DCTN1: variants seen among roughly 807,000 people sequenced by gnomAD.
The protein encoded by DCTN1 is dynactin subunit 1, also known as 150 kDa dynein-associated polypeptide.
DCTN1 carries 61 observed loss-of-function variants against 161.2 expected under a neutral mutation model. The observed-to-expected ratio is 0.38, with a 90% CI of 0.31 to 0.47. The LOEUF is 0.47. Ranked by LOEUF, DCTN1 falls within the 20% of genes least tolerant of loss-of-function variation. The pLI is 0.99. For missense variants in DCTN1, 1,404 were observed against 1,623.7 expected, an observed-to-expected ratio of 0.86 and a Z score of 2.33; for synonymous variants, 653 against 632.4, an observed-to-expected ratio of 1.03 and a Z score of -0.49.
rs781290307 is a variant in DCTN1, at chr2:74,374,328, G to A, written c.427C>T (p.Arg143Ter). 1.9e-6 allele frequency: 3 copies of A among 1,612,086 alleles called. No individual in the cohort carries two copies. The highest frequency in any genetic ancestry group is 2.7e-5 in the African/African-American group (2 of 74,578). ...GLKPKKAPTA[R>*]KTTTRRPKPT... ...ACGAGAGCAAGCAAGAGTACCTTTCGGGCTGTCGGTGCCTGTCTCATCATT... is the reference window on the plus strand; with the variant it reads ...ACGAGAGCAAGCAAGAGTACCTTTCAGGCTGTCGGTGCCTGTCTCATCATT... Residue 143 changes from arginine (R) to a stop codon, truncating the protein, a stop_gained, in exon 6 of 32, where the codon CGA becomes TGA. Coordinates refer to ENST00000628224, the MANE Select transcript of DCTN1 (RefSeq NM_004082.5). LOFTEE classifies it high-confidence loss of function.
rs761974691 is a variant in DCTN1 at position 74,371,594 on chromosome 2, G to A, written c.588C>T (p.Ile196=). The A allele has an allele frequency of 3.8e-6, 6 of 1,588,728 alleles. No individual in the cohort carries two copies. Among genetic ancestry groups the A allele is most frequent in the Admixed American group, 1.8e-5 (1 of 55,828 alleles). Residue 196 remains isoleucine, a synonymous_variant, in exon 8 of 32, where the codon ATC becomes ATT. Coordinates refer to ENST00000628224, the MANE Select transcript of DCTN1 (RefSeq NM_004082.5). ...PAQTPLAAPI[I]PTPVLTSPGA... ...CAGGAGAGGTGAGGACCGGCGTGGG[G>A]ATGATGGGTGCTGCCAGCGGAGTCT...
At chr2:74,371,477 G>A in intron 8 of DCTN1, 60 bp downstream of exon 8, 1 of 1,495,522 alleles carries the variant, frequency 6.7e-7, no homozygotes, top group Non-Finnish European at 9.0e-7. Context: ...TCAAGACACA[G>A]CGGGTAGCCA....
intron 7 of DCTN1, 66 bp downstream of exon 7, chr2:74,372,862 A>T: frequency 6.6e-7 from 1 of 1,509,684 alleles, no homozygotes; most frequent in Non-Finnish European, 9.2e-7. Flanking sequence ...GTGCCCTCAT[A>T]CATCCACATG....
rs776452889 is a variant in DCTN1, at chr2:74,370,851, G to C, written c.844-26C>G. 4 of 1,613,890 alleles carry C rather than the reference G, an allele frequency of 2.5e-6. No individual in the cohort carries two copies. Among genetic ancestry groups the C allele is most frequent in the African/African-American group, 1.3e-5 (1 of 74,910 alleles). The stretch of plus-strand genomic sequence containing the variant: ...CTGAGGAAGAAGTGGAGGTGGGAGG[G>C]GGTACCAGCACAGAGATGCCCCAGG... On this transcript the variant is annotated intron_variant, in intron 9 of 31. Transcript: ENST00000628224. The surrounding 1 kb of genome is among the most constrained non-coding windows in gnomAD (Gnocchi z 4.4).
At chr2:74,367,182 C>G in intron 19 of DCTN1, 75 bp from the exon 20 acceptor site, 1 of 1,584,316 alleles carries the variant, frequency 6.3e-7, no homozygotes, top group Non-Finnish European at 8.7e-7. Context: ...CTAAGAAGTC[C>G]CCATCCTCTG....
At position 74,362,676 on chromosome 2, in the gene DCTN1, G is replaced by A. The variant is rs369370232; in HGVS notation, c.3583C>T (p.Leu1195=). The A allele has an allele frequency of 5.0e-6, 8 of 1,613,876 alleles. No homozygotes were observed. The African/African-American group carries it at 1.1e-4, about 22-fold the overall frequency. ...TTGAGCTTCTCGACGGTGTCACTCAGGGACTTAAGCTGAGCCACTTGCTCC... is the reference window on the plus strand; with the variant it reads ...TTGAGCTTCTCGACGGTGTCACTCAAGGACTTAAGCTGAGCCACTTGCTCC... The part of the protein sequence containing the change: ...LMEQVAQLKS[L]SDTVEKLKDE... Residue 1195 remains leucine (L), a synonymous_variant, in exon 30 of 32, where the codon CTG becomes TTG. Transcript: ENST00000628224.
At position 74,368,989 on chromosome 2, in the gene DCTN1, G is replaced by T. The variant is rs1478330094; in HGVS notation, c.1701+109C>A. ...GCTTCTAGGGCAAGCCCAGGCCAGA[G>T]TCTTCCAAACCACCACACAAAGCAC... On this transcript the variant is annotated intron_variant, in intron 15 of 31. Transcript: ENST00000628224. 6 of 1,566,148 alleles carry T rather than the reference G, an allele frequency of 3.8e-6. No homozygotes were observed. In the South Asian group the frequency reaches 6.7e-5, roughly 17 times the overall value.
rs1573160336 is a variant in DCTN1, at chr2:74,369,597, A to G, written c.1393-106T>C. The G allele has an allele frequency of 7.8e-6, 9 of 1,159,404 alleles. No homozygotes were observed. In the East Asian group the frequency reaches 1.9e-4, roughly 24 times the overall value. The allele number at this position is 1,159,404 out of a possible 1,614,324, so 71.8% of individuals were successfully genotyped here. On this transcript the variant is annotated intron_variant, in intron 13 of 31. Transcript: ENST00000628224. The surrounding 1 kb of genome is among the most constrained non-coding windows in gnomAD (Gnocchi z 4.9). ...TTTGGGAGGTCAAAGCAGGCGGATC[A>G]TGAGGTCGAGATCGAGATCATGCTG...
Position 74,363,158 on chromosome 2 carries a change from G to C in DCTN1, c.3365C>G (p.Ser1122Cys). ...ATGCAGAGGGGGCAGGGATGCCAAGGATGCCTTCATCTGGGCTCCCTGTGG... is the reference window on the plus strand; with the variant it reads ...ATGCAGAGGGGGCAGGGATGCCAAGCATGCCTTCATCTGGGCTCCCTGTGG... ...SILKGAQMKA[S>C]LASLPPLHVA... The change falls in exon 29 of 32, where the codon TCC becomes TGC. Residue 1122 changes from serine (S) to cysteine (C), a missense_variant. Ser to Cys is a moderately radical substitution (Grantham distance 112). Around this residue, in one of 9 missense-constraint regions of DCTN1, gnomAD observed 311 missense variants for 298.9 expected, o/e 1.04. Coordinates refer to ENST00000628224, the MANE Select transcript of DCTN1 (RefSeq NM_004082.5). The C allele has an allele frequency of 6.2e-7, 1 of 1,614,144 alleles. No homozygotes were observed. The highest frequency in any genetic ancestry group is 8.5e-7 in the Non-Finnish European group (1 of 1,180,014).
chr2:74,383,619 C>T (rs1394875349), upstream of DCTN1: 1 of 152,164 alleles, frequency 6.6e-6, no homozygotes, highest in Non-Finnish European at 1.5e-5. Flanking sequence ...AGGTTTGAAC[C>T]AGGATCAGGA....
chr2:74,368,105 C>T lies in DCTN1; in HGVS notation c.1881G>A (p.Gln627=), dbSNP rs774995278. 6 of 1,597,750 alleles carry T rather than the reference C, an allele frequency of 3.8e-6. No homozygotes were observed. Among genetic ancestry groups the T allele is most frequent in the Non-Finnish European group, 5.1e-6 (6 of 1,171,778 alleles). The change falls in exon 17 of 32, where the codon CAG becomes CAA. Residue 627 remains glutamine, a synonymous_variant. Transcript: ENST00000628224. ...AGTTCTCACTTAGTTCAAACTTCTCCTGGGCCTGCTTCCGGATCAGCTCTG... is the reference window on the plus strand; with the variant it reads ...AGTTCTCACTTAGTTCAAACTTCTCTTGGGCCTGCTTCCGGATCAGCTCTG... ...CKAELIRKQA[Q]EKFELSENCS... is the part of the protein sequence containing the mutation.
In DCTN1 at chr2:74,361,656, A is replaced by G. The variant is rs770011246; in HGVS notation, c.3700-20T>C. The G allele has an allele frequency of 1.1e-5, 17 of 1,613,942 alleles. No individual in the cohort carries two copies. The highest frequency in any genetic ancestry group is 1.4e-5 in the Non-Finnish European group (17 of 1,180,004). ...CTTGGCCTGGTGGTTGATGAGGAGA[A>G]AAAGACTCCAGGTCAGGGGCTCACT... On this transcript the variant is annotated intron_variant, in intron 31 of 31. Transcript: ENST00000628224.
At chr2:74,391,286 A>G (rs1675984336) in intron 1 of DCTN1, 1 of 163,370 alleles carries the variant, frequency 6.1e-6, no homozygotes, top group South Asian at 1.7e-4. Flanking sequence ...AGAGATCCTT[A>G]TCTGTGTGAT....
rs1483932960 is a variant in DCTN1 at position 74,369,942 on chromosome 2, T to C, written c.1392+23A>G. ...TTTCTCAGCAGGTCCAAGTCAGATG[T>C]CAGGGGTCTGCTCTTCTCTTACCAA... On this transcript the variant is annotated intron_variant, in intron 13 of 31. Coordinates refer to ENST00000628224, the MANE Select transcript of DCTN1 (RefSeq NM_004082.5). This position sits in a 1 kb window ranked among gnomAD's most constrained non-coding sequence, Gnocchi z 4.9. 1 of 1,610,050 alleles carries C rather than the reference T, an allele frequency of 6.2e-7. No individual in the cohort carries two copies. Among genetic ancestry groups the C allele is most frequent in the East Asian group, 2.2e-5 (1 of 44,838 alleles).
At position 74,365,105 on chromosome 2, in the gene DCTN1, T is replaced by A; in HGVS notation, c.3166A>T (p.Ile1056Phe). The change falls in exon 26 of 32, where the codon ATT (isoleucine) becomes TTT (phenylalanine). Residue 1056 changes from isoleucine to phenylalanine, a missense_variant. Around this residue, in one of 9 missense-constraint regions of DCTN1, gnomAD observed 311 missense variants for 298.9 expected, o/e 1.04. Transcript: ENST00000628224. ...EGLRGPPPSG[I>F]ATLVSGIAGE... The stretch of plus-strand genomic sequence containing the variant: ...GCAATGCCAGAGACCAGAGTAGCAA[T>A]GCCTGAAGGAGGAGGGCCCCGGAGT... 1 of 1,614,110 alleles carries A rather than the reference T, an allele frequency of 6.2e-7. No individual in the cohort carries two copies. Among genetic ancestry groups the A allele is most frequent in the Non-Finnish European group, 8.5e-7 (1 of 1,180,016 alleles).
chr2:74,367,144 C>A (rs138678534), intron 19 of DCTN1, 37 bp from the exon 20 acceptor site: 2 of 1,612,346 alleles, frequency 1.2e-6, no homozygotes, highest in East Asian at 2.2e-5. Context: ...CAGCCCCCAG[C>A]AGGAGCCCTT....
rs773420384 is a variant in DCTN1, at chr2:74,378,220, G to A, written c.59C>T (p.Ala20Val). The change falls in exon 2 of 32, where the codon GCG becomes GTG. Residue 20 changes from alanine to valine, a missense_variant. Physicochemically the swap from Ala to Val is moderately conservative, Grantham distance 64. Around this residue, in one of 9 missense-constraint regions of DCTN1, gnomAD observed 53 missense variants for 54.4 expected, o/e 0.97. Transcript: ENST00000628224. ...SRTPSGSRMS[A>V]EASARPLRVG... ...CCGCAGAGGCCGGGCGCTTGCCTCC[G>A]CACTCATCCTGCTGCCGCTGGGCGT... is the stretch of plus-strand genomic sequence containing the variant. 1.3e-5 allele frequency: 21 copies of A among 1,610,480 alleles called. No individual in the cohort carries two copies. The Middle Eastern group carries it at 6.7e-4, about 52-fold the overall frequency.
chr2:74,361,760 G>T, intron 31 of DCTN1, 124 bp from the exon 32 acceptor site: 1 of 1,245,764 alleles, frequency 8.0e-7, no homozygotes, highest in Non-Finnish European at 1.2e-6. Context: ...CTGAGATCCT[G>T]GGCTATTGTG....
chr2:74,364,809 A>G (rs1260951427), intron 26 of DCTN1: 1 of 511,648 alleles, frequency 2.0e-6, no homozygotes, highest in African/African-American at 1.9e-5. Flanking sequence ...AGAGCCAGAA[A>G]GGACATCTAC....
Sources: gnomAD v4.1 joint callset for allele counts on GRCh38, gnomAD v4.1.1 for gene constraint, gnomAD v4.1.1 regional missense constraint, Gnocchi (gnomAD v3.1) non-coding constraint, MANE v1.5 for transcripts, NCBI Gene and HGNC (gene_info 2026-07-23, HGNC 2026-07-21) for gene names.